The following PRTFDC1 variants were observed in gnomAD, a reference collection of about 807,000 sequenced individuals.
PRTFDC1 encodes phosphoribosyltransferase domain-containing protein 1.
Under a neutral mutation model 34.6 loss-of-function variants are expected in PRTFDC1, and 38 were observed. The observed-to-expected ratio is 1.10, with a 90% CI of 0.85 to 1.44. The LOEUF (loss-of-function observed/expected upper bound fraction) is 1.44, where lower values mean the gene tolerates loss of function less well. PRTFDC1 is among the 40% of genes most tolerant of loss of function. The pLI, the probability that PRTFDC1 is intolerant of heterozygous loss-of-function variation, is 0.00. For missense variants in PRTFDC1, 270 were observed against 283.0 expected (o/e 0.95, Z 0.33); for synonymous variants, 93 against 98.1 (o/e 0.95, Z 0.31).
chr10:24,931,420 G>A (rs1009995380), intron 3 of PRTFDC1, among the ~76,000 whole-genome samples: 3 of 151,678 alleles, frequency 2.0e-5, no homozygotes, highest in African/African-American at 7.3e-5. Flanking sequence ...AAACACAAAA[G>A]AGAAAATCGA....
chr10:24,888,365 T>C (rs968150966), intron 3 of PRTFDC1, among the ~76,000 whole-genome samples: 2 of 152,224 alleles, frequency 1.3e-5, no homozygotes, highest in African/African-American at 2.4e-5. Context: ...ATGAGTTCAG[T>C]GACACCTACC....
chr10:24,903,469 A>G (rs1181976579), intron 3 of PRTFDC1, among the ~76,000 whole-genome samples: 1 of 152,204 alleles, frequency 6.6e-6, no homozygotes, highest in African/African-American at 2.4e-5. Context: ...TTCAATTCAA[A>G]GTTTTTAAAA....
At chr10:24,881,893 G>C (rs1848084708) in intron 3 of PRTFDC1, among the ~76,000 whole-genome samples, 1 of 152,056 alleles carries the variant, frequency 6.6e-6, no homozygotes, top group East Asian at 1.9e-4. Flanking sequence ...TCTTCGAGTG[G>C]ATAATTCTTA....
chr10:24,862,915 T>C (rs891413150), intron 4 of PRTFDC1, among the ~76,000 whole-genome samples: 1 of 152,180 alleles, frequency 6.6e-6, no homozygotes. Context: ...TCTTGCTCTG[T>C]TGCCCAGGCT....
intron 3 of PRTFDC1, among the ~76,000 whole-genome samples, chr10:24,933,592 T>A (rs1849001923): frequency 6.6e-6 from 1 of 151,822 alleles, no homozygotes; most frequent in Admixed American, 6.6e-5. Context: ...AAGGAAAAAC[T>A]GATAATACTA....
chr10:24,952,446 A>T lies in PRTFDC1; in HGVS notation c.48+82T>A. On this transcript the variant is annotated intron_variant, in intron 1 of 8. Transcript: ENST00000320152. The surrounding 1 kb of genome is among the most constrained non-coding windows in gnomAD (Gnocchi z 5.1). ...GGTGGCCCTCTCTCTCCCCCGACGC[A>T]CGGCAAGCATTTAATCTACAAGCAG... is the stretch of plus-strand genomic sequence containing the variant. 2.7e-6 allele frequency: 4 copies of T among 1,465,626 alleles called. No individual in the cohort carries two copies. Among genetic ancestry groups the T allele is most frequent in the Non-Finnish European group, 2.8e-6 (3 of 1,071,726 alleles). 90.8% of individuals were successfully genotyped at this position (1,465,626 alleles called of 1,614,324 possible). A position where few individuals can be genotyped will look rare whatever the true frequency, so the allele number is the denominator to read the frequency against.
intron 3 of PRTFDC1, among the ~76,000 whole-genome samples, chr10:24,887,869 T>G (rs1040573876): frequency 5.3e-5 from 8 of 152,162 alleles, no homozygotes; most frequent in African/African-American, 1.2e-4. Flanking sequence ...CTTGTTATAT[T>G]AGCTACCCCT....
chr10:24,854,849 C>T (rs1230146835), intron 7 of PRTFDC1, among the ~76,000 whole-genome samples: 1 of 152,152 alleles, frequency 6.6e-6, no homozygotes, highest in Non-Finnish European at 1.5e-5. Flanking sequence ...TAAAGGTCAC[C>T]ATTGTGCGTT....
chr10:24,881,171 G>A (rs992332047), intron 3 of PRTFDC1, among the ~76,000 whole-genome samples: 1 of 151,540 alleles, frequency 6.6e-6, no homozygotes, highest in Non-Finnish European at 1.5e-5. Context: ...GGCCTCAAGC[G>A]ATCTCCCACT....
At chr10:24,861,014 T>G (rs551302242) in intron 4 of PRTFDC1, among the ~76,000 whole-genome samples, 8 of 152,334 alleles carry the variant, frequency 5.3e-5, no homozygotes, top group Admixed American at 5.2e-4. Context: ...TTGAATGTAA[T>G]TAAATATTTT....
chr10:24,901,919 C>T (rs573050294), intron 3 of PRTFDC1, among the ~76,000 whole-genome samples: 14 of 152,330 alleles, frequency 9.2e-5, no homozygotes, highest in South Asian at 2.1e-4. Flanking sequence ...TCTAAATGCA[C>T]GGTGACTGCC....
intron 3 of PRTFDC1, among the ~76,000 whole-genome samples, chr10:24,935,362 G>GA (rs1336064538): frequency 6.6e-6 from 1 of 152,164 alleles, no homozygotes; most frequent in Non-Finnish European, 1.5e-5. Flanking sequence ...TCTAAAGAGA[G>GA]AAAAAATTCT....
chr10:24,905,162 A>C (rs1848513430), intron 3 of PRTFDC1, among the ~76,000 whole-genome samples: 1 of 151,826 alleles, frequency 6.6e-6, no homozygotes, highest in East Asian at 1.9e-4. Context: ...AAAAAAAAAA[A>C]ATTAGCCAGG....
chr10:24,885,561 A>G (rs1321013833), intron 3 of PRTFDC1, among the ~76,000 whole-genome samples: 4 of 152,172 alleles, frequency 2.6e-5, no homozygotes, highest in Admixed American at 2.6e-4. Flanking sequence ...GTGCGCCATC[A>G]TGCCAGGCTA....
intron 3 of PRTFDC1, among the ~76,000 whole-genome samples, chr10:24,896,753 A>T (rs1848371778): frequency 6.6e-6 from 1 of 152,214 alleles, no homozygotes; most frequent in Non-Finnish European, 1.5e-5. Context: ...AATACCAAAC[A>T]AAAGTGCATA....
chr10:24,888,430 A>C (rs1848206228), intron 3 of PRTFDC1, among the ~76,000 whole-genome samples: 1 of 152,230 alleles, frequency 6.6e-6, no homozygotes, highest in Non-Finnish European at 1.5e-5. Flanking sequence ...TGCTTTACCC[A>C]ATAGGCCCTT....
intron 3 of PRTFDC1, among the ~76,000 whole-genome samples, chr10:24,919,657 T>C (rs1848750178): frequency 6.6e-6 from 1 of 152,076 alleles, no homozygotes; most frequent in Non-Finnish European, 1.5e-5. Context: ...CTGAAGAGCT[T>C]CCACACAGCA....
chr10:24,872,005 G>T lies in PRTFDC1; in HGVS notation c.398C>A (p.Ala133Asp). The change falls in exon 4 of 9, where the codon GCT (alanine) becomes GAT (aspartate). Residue 133 changes from alanine to aspartate, a missense_variant. Ala to Asp is a moderately radical substitution (Grantham distance 126). Coordinates refer to ENST00000320152, the MANE Select transcript of PRTFDC1 (RefSeq NM_020200.7). ...ACAGTTACATGAACAAACCTTTCCA[G>T]CCAGCGTTGAAAGATCATCGCCTCC... ...IIGGDDLSTL[A>D]GKNVLIVEDV... The T allele has an allele frequency of 6.2e-7, 1 of 1,610,526 alleles. No homozygotes were observed. The highest frequency in any genetic ancestry group is 8.5e-7 in the Non-Finnish European group (1 of 1,176,956).
intron 4 of PRTFDC1, among the ~76,000 whole-genome samples, chr10:24,859,519 T>A (rs1847640647): frequency 1.3e-5 from 2 of 152,228 alleles, no homozygotes; most frequent in Non-Finnish European, 2.9e-5. Flanking sequence ...GTGCTGGAAT[T>A]ACAGGCACGA....
Sources: allele counts gnomAD v4.1 joint callset (sites outside exome capture counted in the v4.1 genomes callset), GRCh38; gene constraint gnomAD v4.1.1; non-coding constraint Gnocchi (gnomAD v3.1); transcripts MANE v1.5; gene names NCBI Gene and HGNC (gene_info 2026-07-23, HGNC 2026-07-21).